Variants in AIFM1 observed in about 807,000 individuals in gnomAD.
AIFM1 encodes the protein apoptosis-inducing factor 1, mitochondrial.
AIFM1 carries 3 observed loss-of-function variants against 51.7 expected under a neutral mutation model. The observed-to-expected ratio is 0.06, with a 90% CI of 0.03 to 0.15. The LOEUF (loss-of-function observed/expected upper bound fraction) is 0.15, where lower values mean the gene tolerates loss of function less well. AIFM1 is among the 10% of genes least tolerant of loss of function. AIFM1 has a pLI of 1.00. For missense variants in AIFM1, 330 were observed against 476.8 expected (o/e 0.69, Z 2.87); for synonymous variants, 178 against 179.4 (o/e 0.99, Z 0.06).
At chrX:130,144,323 A>G (rs760529933) in intron 6 of AIFM1, among the ~76,000 whole-genome samples, 1 of 111,484 alleles carries the variant, frequency 9.0e-6, no homozygotes, top group Non-Finnish European at 1.9e-5. Context: ...ATTATTTAAA[A>G]TTCAATTGCC....
intron 2 of AIFM1, among the ~76,000 whole-genome samples, chrX:130,153,512 C>T (rs1387687461): frequency 9.0e-6 from 1 of 111,320 alleles, no homozygotes; most frequent in Non-Finnish European, 1.9e-5. Flanking sequence ...TACGAAGAAA[C>T]GCTATTCACT....
intron 1 of AIFM1, 134 bp downstream of exon 1, chrX:130,165,417 G>A (rs1485531548): frequency 5.3e-6 from 3 of 569,417 alleles, no homozygotes; most frequent in South Asian, 5.0e-5. Flanking sequence ...AGGGTTCGGA[G>A]TCTGCCAATT....
rs2029982526 is a variant in AIFM1 at position 130,129,756 on chromosome X, C to T, written c.1771-128G>A. 3.9e-6 allele frequency: 3 copies of T among 770,848 alleles called. No homozygotes were observed. The Admixed American group carries it at 7.1e-5, about 18-fold the overall frequency. The allele number at this position is 770,848 out of a possible 1,213,427, so 63.5% of individuals were successfully genotyped here. ...AGGGAGTTGTGGGAACAGTTCTCTA[C>T]TAACCCCAAACAAGCAGCCTGCCAA... On this transcript the variant is annotated intron_variant, in intron 15 of 15. Coordinates refer to ENST00000287295, the MANE Select transcript of AIFM1 (RefSeq NM_004208.4).
At position 130,147,542 on chromosome X, in the gene AIFM1, T is replaced by C. The variant is rs765298573; in HGVS notation, c.556A>G (p.Asn186Asp). Residue 186 changes from asparagine (N) to aspartate (D), a missense_variant, in exon 5 of 16, where the codon AAT (asparagine) becomes GAT (aspartate). This residue lies in a region of AIFM1 where 152 missense variants were observed against 292.8 expected (regional missense o/e 0.52). Coordinates refer to ENST00000287295, the MANE Select transcript of AIFM1 (RefSeq NM_004208.4). The part of the protein sequence containing the change: ...SKELWFSDDP[N>D]VTKTLRFKQW... Reference sequence around the variant, plus strand: ...TTGAATCGCAGTGTCTTTGTGACATTTGGGTCATCTGAAAACCACAGTTCT... The same window carrying C: ...TTGAATCGCAGTGTCTTTGTGACATCTGGGTCATCTGAAAACCACAGTTCT... 17 of 1,212,082 alleles carry C rather than the reference T, an allele frequency of 1.4e-5. No individual in the cohort carries two copies. Among genetic ancestry groups the C allele is most frequent in the South Asian group, 5.3e-5 (3 of 57,024 alleles).
Position 130,133,530 on chromosome X carries a change from G to T in AIFM1, c.1306-75C>A, listed in dbSNP as rs1375979565. On this transcript the variant is annotated intron_variant, in intron 12 of 15. Coordinates refer to ENST00000287295, the MANE Select transcript of AIFM1 (RefSeq NM_004208.4). ...AAGTTAAAGACAAAATATAAACTTTGGGGGCTCAAAGAACACTTGTAATGG... is the reference window on the plus strand; with the variant it reads ...AAGTTAAAGACAAAATATAAACTTTTGGGGCTCAAAGAACACTTGTAATGG... 6.1e-6 allele frequency: 7 copies of T among 1,142,434 alleles called. No individual in the cohort carries two copies. The African/African-American group carries it at 1.3e-4, about 21-fold the overall frequency. 94.1% of individuals were successfully genotyped at this position (1,142,434 alleles called of 1,213,427 possible). A position where few individuals can be genotyped will look rare whatever the true frequency, so the allele number is the denominator to read the frequency against.
intron 2 of AIFM1, among the ~76,000 whole-genome samples, chrX:130,153,013 G>A (rs1262712919): frequency 9.1e-6 from 1 of 110,433 alleles, no homozygotes; most frequent in East Asian, 2.8e-4. Context: ...ATTTCTCACT[G>A]CAGATCATGG....
chrX:130,138,389 C>T (rs887939676), intron 9 of AIFM1, among the ~76,000 whole-genome samples: 4 of 110,537 alleles, frequency 3.6e-5, no homozygotes, highest in Admixed American at 2.9e-4. Flanking sequence ...GGCCTGAACC[C>T]GGGAAGCGGA....
In AIFM1 at chrX:130,165,495, G is replaced by A. The variant is rs1012388050; in HGVS notation, c.106+56C>T. ...GGGGGTAGAGGGCTGCAAGGCACAG[G>A]GAGCCTAAGGCGCCAGGCCCTCGGA... On this transcript the variant is annotated intron_variant, in intron 1 of 15. Transcript: ENST00000287295. The A allele has an allele frequency of 2.3e-5, 23 of 1,011,567 alleles. No individual in the cohort carries two copies. In the African/African-American group the frequency reaches 3.2e-4, roughly 14 times the overall value. 83.4% of individuals were successfully genotyped at this position (1,011,567 alleles called of 1,213,427 possible).
At chrX:130,129,694 A>G in intron 15 of AIFM1, 66 bp from the exon 16 acceptor site, 1 of 1,024,905 alleles carries the variant, frequency 9.8e-7, no homozygotes, top group Admixed American at 2.2e-5. Context: ...TGCCCACACA[A>G]TGGGGCTACC....
chrX:130,150,391 A>G (rs1384772731), intron 2 of AIFM1, among the ~76,000 whole-genome samples: 3 of 79,919 alleles, frequency 3.8e-5, no homozygotes, highest in African/African-American at 1.6e-4. Context: ...GCTGGAGTGC[A>G]GTGGCGGGAT....
intron 5 of AIFM1, among the ~76,000 whole-genome samples, chrX:130,146,518 G>A (rs915830074): frequency 9.3e-6 from 1 of 107,927 alleles, no homozygotes; most frequent in Non-Finnish European, 1.9e-5. Context: ...TATAAAGTTA[G>A]CCACTAACTT....
chrX:130,156,509 A>G lies in AIFM1; in HGVS notation c.201T>C (p.Ser67=). 8.3e-7 allele frequency: 1 copy of G among 1,211,841 alleles called. No homozygotes were observed. Among genetic ancestry groups the G allele is most frequent in the Non-Finnish European group, 1.1e-6 (1 of 895,495 alleles). The part of the protein sequence containing the change: ...SGASGGKIDN[S]VLVLIVGLST... ...ATAAGCCCACAATAAGGACTAACACAGAATTATCGATTTTGCCCCCTGATG... is the reference window on the plus strand; with the variant it reads ...ATAAGCCCACAATAAGGACTAACACGGAATTATCGATTTTGCCCCCTGATG... The change falls in exon 2 of 16, where the codon TCT becomes TCC. Residue 67 remains serine, a synonymous_variant. Transcript: ENST00000287295.
chrX:130,155,556 A>T (rs1296130758), intron 2 of AIFM1, among the ~76,000 whole-genome samples: 1 of 112,415 alleles, frequency 8.9e-6, no homozygotes, highest in Non-Finnish European at 1.9e-5. Flanking sequence ...ACATCAGGGG[A>T]TGAGGATATA....
intron 6 of AIFM1, among the ~76,000 whole-genome samples, chrX:130,140,899 T>C (rs1424463067): frequency 1.8e-5 from 2 of 112,185 alleles, no homozygotes; most frequent in Non-Finnish European, 3.8e-5. Flanking sequence ...GGCAGATCAC[T>C]GAGGCCACGA....
intron 1 of AIFM1, among the ~76,000 whole-genome samples, chrX:130,158,111 A>C (rs988833149): frequency 2.9e-5 from 3 of 105,053 alleles, no homozygotes; most frequent in African/African-American, 1.1e-4. Flanking sequence ...AAAAATACAA[A>C]AAATTAGCCG....
At chrX:130,144,181 C>T (rs973897848) in intron 6 of AIFM1, among the ~76,000 whole-genome samples, 4 of 111,149 alleles carry the variant, frequency 3.6e-5, no homozygotes, top group Non-Finnish European at 1.9e-5. Flanking sequence ...TCTTCTTCTT[C>T]ATCATCATCA....
chrX:130,147,819 A>C lies in AIFM1; in HGVS notation c.407T>G (p.Leu136Arg). ...AAAAGCAGCTGTGCCTCCACCAATTAGCAGGAAAGGAACATGACTTGGCGC... is the reference window on the plus strand; with the variant it reads ...AAAAGCAGCTGTGCCTCCACCAATTCGCAGGAAAGGAACATGACTTGGCGC... ...DKAPSHVPFL[L>R]IGGGTAAFAA... The change falls in exon 4 of 16, where the codon CTA becomes CGA. Residue 136 changes from leucine to arginine, a missense_variant. Physicochemically the swap from Leu to Arg is moderately radical, Grantham distance 102. Around this residue, in one of 4 missense-constraint regions of AIFM1, gnomAD observed 110 missense variants for 103.1 expected, o/e 1.07. Coordinates refer to ENST00000287295, the MANE Select transcript of AIFM1 (RefSeq NM_004208.4). 8.3e-7 allele frequency: 1 copy of C among 1,212,081 alleles called. No individual in the cohort carries two copies. The highest frequency in any genetic ancestry group is 1.1e-6 in the Non-Finnish European group (1 of 895,595).
chrX:130,146,780 A>T (rs2030770880), intron 5 of AIFM1, among the ~76,000 whole-genome samples: 1 of 111,341 alleles, frequency 9.0e-6, no homozygotes, highest in African/African-American at 3.3e-5. Flanking sequence ...TCTACTCCTG[A>T]AATTCTAAAT....
chrX:130,140,896 C>T (rs112647903), intron 6 of AIFM1, among the ~76,000 whole-genome samples: 35 of 112,224 alleles, frequency 3.1e-4, no homozygotes, highest in African/African-American at 1.0e-3. Context: ...GCAGGCAGAT[C>T]ACTGAGGCCA....
Sources: gnomAD v4.1 joint callset for allele counts (sites outside exome capture counted in the v4.1 genomes callset) on GRCh38, gnomAD v4.1.1 for gene constraint, gnomAD v4.1.1 regional missense constraint, MANE v1.5 for transcripts, NCBI Gene and HGNC (gene_info 2026-07-23, HGNC 2026-07-21) for gene names.